The following ASB7 variants were observed in gnomAD, a reference collection of about 807,000 sequenced individuals.
The protein encoded by ASB7 is ankyrin repeat and SOCS box protein 7.
A neutral mutation model predicts 32.5 loss-of-function variants in ASB7; 4 were observed. The observed-to-expected ratio is 0.12, with a 90% CI of 0.06 to 0.28. The LOEUF (loss-of-function observed/expected upper bound fraction) is 0.28. Ranked by LOEUF, ASB7 falls within the 10% of genes least tolerant of loss-of-function variation. The pLI is 1.00. For missense variants in ASB7, 181 were observed against 407.1 expected (o/e 0.44, Z 4.78); for synonymous variants, 172 against 155.6 (o/e 1.11, Z -0.78).
At position 100,602,728 on chromosome 15, in the gene ASB7, G is replaced by A. The variant is rs1030480746; in HGVS notation, c.-591G>A. 8.1e-6 allele frequency: 3 copies of A among 370,068 alleles called. No homozygotes were observed. Among genetic ancestry groups the A allele is most frequent in the Non-Finnish European group, 1.4e-5 (3 of 208,582 alleles). The allele number at this position is 370,068 out of a possible 1,614,324, so 22.9% of individuals were successfully genotyped here. ...GACCTCGCCGTCCCGAGACCTCCTGGGTCCCTCCGTAGCTGGAAGCCTCCG... is the reference window on the plus strand; with the variant it reads ...GACCTCGCCGTCCCGAGACCTCCTGAGTCCCTCCGTAGCTGGAAGCCTCCG... On this transcript the variant is annotated 5_prime_UTR_variant, in exon 1 of 6. Coordinates refer to ENST00000332783, the MANE Select transcript of ASB7 (RefSeq NM_198243.3).
chr15:100,624,024 G>A (rs988139144), intron 4 of ASB7, among the ~76,000 whole-genome samples: 2 of 152,128 alleles, frequency 1.3e-5, no homozygotes, highest in Admixed American at 6.5e-5. Context: ...CATAGATGAC[G>A]AGGTCATCAT....
chr15:100,614,015 G>A (rs1040664076), intron 4 of ASB7, among the ~76,000 whole-genome samples: 5 of 152,174 alleles, frequency 3.3e-5, no homozygotes, highest in Non-Finnish European at 5.9e-5. Context: ...GCTCACGCCT[G>A]TAATCCCAGC....
At chr15:100,645,889 A>C (rs1567119403) in intron 5 of ASB7, 1 of 755,964 alleles carries the variant, frequency 1.3e-6, no homozygotes. Flanking sequence ...TGACCACAGC[A>C]CTGAGGAGAT....
At chr15:100,639,143 A>G (rs1202709733) in intron 5 of ASB7, among the ~76,000 whole-genome samples, 1 of 152,168 alleles carries the variant, frequency 6.6e-6, no homozygotes, top group African/African-American at 2.4e-5. Flanking sequence ...TGTATGTTTT[A>G]AGGAGTTAAC....
intron 5 of ASB7, among the ~76,000 whole-genome samples, chr15:100,637,169 A>G (rs1299694863): frequency 6.6e-6 from 1 of 152,268 alleles, no homozygotes; most frequent in Non-Finnish European, 1.5e-5. Flanking sequence ...ATGATTGAGG[A>G]AAAGCAACTT....
chr15:100,636,922 C>T (rs1472404890), intron 5 of ASB7, among the ~76,000 whole-genome samples: 1 of 152,206 alleles, frequency 6.6e-6, no homozygotes, highest in Non-Finnish European at 1.5e-5. Flanking sequence ...GGTGTACAAG[C>T]AGTGGCAGGT....
chr15:100,646,381 G>C (rs2039997151), intron 5 of ASB7: 1 of 380,180 alleles, frequency 2.6e-6, no homozygotes, highest in South Asian at 2.3e-5. Flanking sequence ...TTCTGGTTGG[G>C]GTGCGGTGTA....
At chr15:100,605,456 G>T (rs2039635843) in intron 2 of ASB7, among the ~76,000 whole-genome samples, 1 of 152,156 alleles carries the variant, frequency 6.6e-6, no homozygotes. Flanking sequence ...TTAGTATACT[G>T]TGGCCAGTAC....
chr15:100,636,536 C>T (rs2039924530), intron 5 of ASB7, among the ~76,000 whole-genome samples: 1 of 152,074 alleles, frequency 6.6e-6, no homozygotes. Context: ...TGATAGCTAG[C>T]AGCTAATGGG....
intron 2 of ASB7, among the ~76,000 whole-genome samples, chr15:100,608,460 A>G (rs1380384614): frequency 6.6e-6 from 1 of 152,094 alleles, no homozygotes; most frequent in East Asian, 1.9e-4. Context: ...GTACTTTGTC[A>G]TCTGGTACTG....
At chr15:100,604,731 T>C (rs2039625840) in intron 2 of ASB7, among the ~76,000 whole-genome samples, 1 of 152,200 alleles carries the variant, frequency 6.6e-6, no homozygotes, top group South Asian at 2.1e-4. Context: ...GCAGCTTTTG[T>C]ATGTATATGT....
chr15:100,649,611 C>T lies in ASB7; in HGVS notation c.*1149C>T, dbSNP rs1421178059. Reference sequence around the variant, plus strand: ...TCTAATATGCTAATTAAACATTTCCCATTTTAAGGTTATATACAGTGAGGC... The same window carrying T: ...TCTAATATGCTAATTAAACATTTCCTATTTTAAGGTTATATACAGTGAGGC... On this transcript the variant is annotated 3_prime_UTR_variant, in exon 6 of 6. Transcript: ENST00000332783. 6.6e-6 allele frequency: 1 copy of T among 152,110 alleles called. No homozygotes were observed. The allele number at this position is 152,110 out of a possible 1,614,324, so 9.4% of individuals were successfully genotyped here. A position where few individuals can be genotyped will look rare whatever the true frequency, so the allele number is the denominator to read the frequency against.
At chr15:100,632,004 G>A (rs559029882) in intron 5 of ASB7, among the ~76,000 whole-genome samples, 1 of 152,342 alleles carries the variant, frequency 6.6e-6, no homozygotes, top group South Asian at 2.1e-4. Context: ...ACGCAGCCAC[G>A]TGGCCGAGAG....
intron 2 of ASB7, among the ~76,000 whole-genome samples, chr15:100,606,202 T>TC (rs2141384783): frequency 6.6e-6 from 1 of 152,186 alleles, no homozygotes; most frequent in East Asian, 1.9e-4. Flanking sequence ...GTTTTTTTTT[T>TC]CTCAGACCCA....
At position 100,612,156 on chromosome 15, in the gene ASB7, C is replaced by G. The variant is rs1262664616; in HGVS notation, c.-51-10C>G. On this transcript the variant is annotated splice_polypyrimidine_tract_variant and intron_variant, in intron 3 of 5. Coordinates refer to ENST00000332783, the MANE Select transcript of ASB7 (RefSeq NM_198243.3). The stretch of plus-strand genomic sequence containing the variant: ...CTAAATTTTACCTTTTCTACCTTCT[C>G]TTCTTAAAGGCTGATCCCCGTAACC... 30 of 1,449,398 alleles carry G rather than the reference C, an allele frequency of 2.1e-5. No individual in the cohort carries two copies. The East Asian group carries it at 5.9e-4, about 29-fold the overall frequency. The allele number at this position is 1,449,398 out of a possible 1,614,324, so 89.8% of individuals were successfully genotyped here.
chr15:100,619,380 C>T (rs557726311), intron 4 of ASB7, among the ~76,000 whole-genome samples: 2 of 152,304 alleles, frequency 1.3e-5, no homozygotes, highest in East Asian at 1.9e-4. Context: ...AGAACAGATT[C>T]GTGCTTTAGT....
intron 4 of ASB7, among the ~76,000 whole-genome samples, chr15:100,624,358 G>A (rs28786199): frequency 0.016 from 2,503 of 152,278 alleles, 53 homozygotes; most frequent in African/African-American, 0.056. Flanking sequence ...GATGGATAAC[G>A]CAGATACCCT....
chr15:100,626,604 ACT>A (rs1244203924), intron 4 of ASB7, among the ~76,000 whole-genome samples: 1 of 151,584 alleles, frequency 6.6e-6, no homozygotes, highest in Non-Finnish European at 1.5e-5. Context: ...AGATGAAAAC[ACT>A]CTGTCCCCCT....
chr15:100,612,918 A>G (rs761902718), intron 4 of ASB7, among the ~76,000 whole-genome samples: 10 of 152,318 alleles, frequency 6.6e-5, no homozygotes, highest in Admixed American at 1.3e-4. Context: ...GAAACTGTAC[A>G]TAGTTTGTAG....
Sources: gnomAD v4.1 joint callset for allele counts (sites outside exome capture counted in the v4.1 genomes callset) on GRCh38, gnomAD v4.1.1 for gene constraint, MANE v1.5 for transcripts, NCBI Gene and HGNC (gene_info 2026-07-23, HGNC 2026-07-21) for gene names.